The following NHEJ1 variants were observed in gnomAD, a reference collection of about 807,000 sequenced individuals.
The protein encoded by NHEJ1 is non-homologous end-joining factor 1.
NHEJ1 carries 22 observed loss-of-function variants against 39.4 expected under a neutral mutation model. The observed-to-expected ratio is 0.56, with a 90% CI of 0.40 to 0.80. NHEJ1 has a LOEUF of 0.80. Ranked by LOEUF, NHEJ1 falls within the 30% of genes least tolerant of loss-of-function variation. NHEJ1 has a pLI of 0.00. For missense variants in NHEJ1, 329 were observed against 357.1 expected (o/e 0.92, Z 0.63); for synonymous variants, 154 against 135.6 (o/e 1.14, Z -0.94).
At chr2:219,137,570 C>CAAAAAAAAAAAAAAAAAAAAAAA (rs58279021) in intron 5 of NHEJ1, among the ~76,000 whole-genome samples, 2 of 34,726 alleles carry the variant, frequency 5.8e-5, no homozygotes, top group Non-Finnish European at 1.2e-4. Context: ...GTGTTACAGG[C>CAAAAAAAAAAAAAAAAAAAAAAA]AAAAAAAAAA....
intron 5 of NHEJ1, chr2:219,124,849 G>A (rs1949500897): frequency 6.6e-6 from 1 of 152,186 alleles, no homozygotes; most frequent in African/African-American, 2.4e-5. Flanking sequence ...GCAGTGTGGG[G>A]TTGGTGGCTG....
In NHEJ1 at chr2:219,131,209, G is replaced by C. The variant is rs148582165; in HGVS notation, c.588+15471C>G. ...GGGGAGGGAAATAGATACATGAATT[G>C]AAAGACCCTGCATGGCTGTTCAGGT... On this transcript the variant is annotated intron_variant, in intron 5 of 7. Coordinates refer to ENST00000356853, the MANE Select transcript of NHEJ1 (RefSeq NM_024782.3). 1.6e-3 allele frequency among the ~76,000 whole-genome samples: 244 copies of C among 152,222 alleles called. 1 individual carries two copies. The highest frequency in any genetic ancestry group is 5.5e-3 in the African/African-American group (229 of 41,520).
chr2:219,086,386 C>T (rs1328117298), intron 5 of NHEJ1, among the ~76,000 whole-genome samples: 1 of 152,194 alleles, frequency 6.6e-6, no homozygotes, highest in Non-Finnish European at 1.5e-5. Flanking sequence ...ATGCCTCTTA[C>T]CAATGAGACA....
At chr2:219,147,892 C>A (rs1045525434) in intron 3 of NHEJ1, 97 bp from the exon 4 acceptor site, 2 of 1,225,728 alleles carry the variant, frequency 1.6e-6, no homozygotes, top group Non-Finnish European at 2.3e-6. Context: ...AATAAATGTT[C>A]TTACAGAAAC....
chr2:219,080,059 T>A (rs1364333395), intron 5 of NHEJ1, among the ~76,000 whole-genome samples: 1 of 152,124 alleles, frequency 6.6e-6, no homozygotes, highest in Admixed American at 6.5e-5. Context: ...GTATTTAACC[T>A]CAAAACGAAG....
chr2:219,129,960 C>T (rs886563564), intron 5 of NHEJ1, among the ~76,000 whole-genome samples: 5 of 137,020 alleles, frequency 3.6e-5, no homozygotes, highest in African/African-American at 1.3e-4. Flanking sequence ...ACAGACTAGC[C>T]TGTATTTTCT....
intron 5 of NHEJ1, among the ~76,000 whole-genome samples, chr2:219,121,899 G>A (rs1949475077): frequency 6.6e-6 from 1 of 152,032 alleles, no homozygotes; most frequent in Non-Finnish European, 1.5e-5. Flanking sequence ...ATAGTAGGGT[G>A]GCTTGGGGTT....
At chr2:219,080,872 GT>G (rs1364197229) in intron 5 of NHEJ1, among the ~76,000 whole-genome samples, 1 of 152,022 alleles carries the variant, frequency 6.6e-6, no homozygotes, top group Non-Finnish European at 1.5e-5. Context: ...GCATGACCCC[GT>G]TTGGCTGAGA....
chr2:219,091,612 C>T (rs1949160403), intron 5 of NHEJ1, among the ~76,000 whole-genome samples: 1 of 152,122 alleles, frequency 6.6e-6, no homozygotes, highest in Non-Finnish European at 1.5e-5. Context: ...AGTCTGACTT[C>T]GTCCTAAAGG....
chr2:219,156,106 G>A (rs1472074451), intron 3 of NHEJ1, among the ~76,000 whole-genome samples: 16 of 151,268 alleles, frequency 1.1e-4, no homozygotes, highest in Admixed American at 7.9e-4. Context: ...AAAATTAGCC[G>A]GGCATGGTGG....
chr2:219,141,379 C>CA (rs1351205366), intron 5 of NHEJ1, among the ~76,000 whole-genome samples: 155 of 78,294 alleles, frequency 2.0e-3, no homozygotes, highest in African/African-American at 5.5e-3. Context: ...GACTTGGTCT[C>CA]AAAAAAAAAA....
intron 1 of NHEJ1, among the ~76,000 whole-genome samples, chr2:219,160,083 C>T (rs1949916180): frequency 6.6e-6 from 1 of 152,156 alleles, no homozygotes; most frequent in Admixed American, 6.5e-5. Flanking sequence ...TTTTTTCCTT[C>T]AAGGCTGCCT....
In NHEJ1 at chr2:219,157,598, A is replaced by G. The variant is rs1949867363; in HGVS notation, c.264T>C (p.Ala88=). Residue 88 remains alanine, a synonymous_variant, in exon 3 of 8, where the codon GCT becomes GCC. Transcript: ENST00000356853. The part of the protein sequence containing the change: ...NLLRPLLKDA[A]HPSEATFSCD... ...AGGAGAAGGTAGCTTCGCTAGGGTG[A>G]GCAGCGTCCTTCAACAATGGGCGAA... The G allele has an allele frequency of 6.2e-7, 1 of 1,614,164 alleles. No individual in the cohort carries two copies. Among genetic ancestry groups the G allele is most frequent in the Admixed American group, 1.7e-5 (1 of 60,002 alleles).
At chr2:219,154,500 G>A (rs558637918) in intron 3 of NHEJ1, among the ~76,000 whole-genome samples, 5 of 152,004 alleles carry the variant, frequency 3.3e-5, no homozygotes, top group African/African-American at 1.2e-4. Flanking sequence ...AAATGAAAAC[G>A]ATCACAAGAA....
At chr2:219,098,304 G>C (rs1356155659) in intron 5 of NHEJ1, among the ~76,000 whole-genome samples, 3 of 152,140 alleles carry the variant, frequency 2.0e-5, no homozygotes, top group Admixed American at 6.5e-5. Flanking sequence ...GGGCAAACTG[G>C]GGTGTCAGAA....
intron 5 of NHEJ1, among the ~76,000 whole-genome samples, chr2:219,136,447 C>G (rs1386822915): frequency 2.0e-5 from 3 of 152,060 alleles, no homozygotes; most frequent in East Asian, 3.9e-4. Flanking sequence ...TGCCACCAAG[C>G]CCGGCTAATT....
intron 5 of NHEJ1, among the ~76,000 whole-genome samples, chr2:219,103,719 C>T (rs977376775): frequency 6.6e-6 from 1 of 152,232 alleles, no homozygotes; most frequent in African/African-American, 2.4e-5. Context: ...TGAGCTCTCA[C>T]AACTCTAAAG....
chr2:219,153,059 T>A (rs1292717535), intron 3 of NHEJ1, among the ~76,000 whole-genome samples: 1 of 152,156 alleles, frequency 6.6e-6, no homozygotes, highest in African/African-American at 2.4e-5. Flanking sequence ...CGCCTCGGCC[T>A]CCCAAAGTGT....
chr2:219,083,102 C>A (rs1949080755), intron 5 of NHEJ1, among the ~76,000 whole-genome samples: 1 of 152,234 alleles, frequency 6.6e-6, no homozygotes, highest in South Asian at 2.1e-4. Context: ...TGCTGATCAT[C>A]TACTGTGGTG....
Sources: allele counts gnomAD v4.1 joint callset (sites outside exome capture counted in the v4.1 genomes callset), GRCh38; gene constraint gnomAD v4.1.1; transcripts MANE v1.5; gene names NCBI Gene and HGNC (gene_info 2026-07-23, HGNC 2026-07-21).